The following LINGO2 variants were observed in gnomAD, a reference collection of about 807,000 sequenced individuals.
The protein encoded by LINGO2 is leucine rich repeat and Ig domain containing 2, also known as leucine-rich repeat and immunoglobulin-like domain-containing nogo receptor-interacting protein 2.
LINGO2 carries 14 observed loss-of-function variants against 30.6 expected under a neutral mutation model. The ratio of observed to expected loss-of-function variants is 0.46; its 90% CI spans 0.30 to 0.72. The LOEUF (loss-of-function observed/expected upper bound fraction) is 0.72. LINGO2 is among the 30% of genes least tolerant of loss of function. The pLI, the probability that LINGO2 is intolerant of heterozygous loss-of-function variation, is 0.07. For synonymous variants in LINGO2, 317 were observed against 288.5 expected, an observed-to-expected ratio of 1.10 and a Z score of -1.00; for missense variants, 729 against 751.7, an observed-to-expected ratio of 0.97 and a Z score of 0.35.
chr9:28,246,559 A>G lies in LINGO2; in HGVS notation c.-87+48649T>C, dbSNP rs1822007286. ...AAAACTGGCTAGCCGTATGCAGAAAATTGACACTGGACCCCTTCCTTACAC... is the reference window on the plus strand; with the variant it reads ...AAAACTGGCTAGCCGTATGCAGAAAGTTGACACTGGACCCCTTCCTTACAC... On this transcript the variant is annotated intron_variant, in intron 4 of 5. Transcript: ENST00000379992. Among the ~76,000 whole-genome samples the G allele has an allele frequency of 6.6e-5, 10 of 152,148 alleles. No individual in the cohort carries two copies. The South Asian group carries it at 2.1e-3, about 32-fold the overall frequency.
At chr9:29,072,297 T>C in the LINGO2 span, among the ~76,000 whole-genome samples, 1 of 152,004 alleles carries the variant, frequency 6.6e-6, no homozygotes, top group East Asian at 1.9e-4. Flanking sequence ...GAAGCTAATA[T>C]TAATCGATCA....
At chr9:28,254,474 AAGAT>A (rs1234435184) in intron 4 of LINGO2, among the ~76,000 whole-genome samples, 2 of 152,124 alleles carry the variant, frequency 1.3e-5, no homozygotes, top group Admixed American at 1.3e-4. Flanking sequence ...TCCTAGATGA[AAGAT>A]AGACACATAT....
the LINGO2 span, among the ~76,000 whole-genome samples, chr9:29,046,432 C>T: frequency 6.6e-6 from 1 of 151,980 alleles, no homozygotes; most frequent in Admixed American, 6.6e-5. Context: ...ATTGAGAGCC[C>T]AGAAATAAGG....
intron 4 of LINGO2, among the ~76,000 whole-genome samples, chr9:28,047,526 C>A (rs1269240446): frequency 1.3e-5 from 2 of 150,804 alleles, no homozygotes; most frequent in East Asian, 3.9e-4. Context: ...AAGAGCATGG[C>A]CTTCAAAGAC....
At chr9:28,951,129 CA>C in the LINGO2 span, among the ~76,000 whole-genome samples, 1 of 152,098 alleles carries the variant, frequency 6.6e-6, no homozygotes, top group Non-Finnish European at 1.5e-5. Context: ...CTGACAAAAA[CA>C]AGCAATGGAG....
chr9:28,722,805 T>G, the LINGO2 span, among the ~76,000 whole-genome samples: 1 of 152,278 alleles, frequency 6.6e-6, no homozygotes, highest in African/African-American at 2.4e-5. Flanking sequence ...CCAATAGGAC[T>G]TTGCTGTTTG....
At chr9:28,037,149 G>A (rs1426950622) in intron 4 of LINGO2, among the ~76,000 whole-genome samples, 1 of 152,164 alleles carries the variant, frequency 6.6e-6, no homozygotes, top group Admixed American at 6.5e-5. Flanking sequence ...AGTATGGGTG[G>A]AATAAAATAA....
chr9:28,055,613 CAT>C (rs1465093411), intron 4 of LINGO2, among the ~76,000 whole-genome samples: 3 of 152,122 alleles, frequency 2.0e-5, no homozygotes, highest in Non-Finnish European at 2.9e-5. Context: ...TTCTCTCTAT[CAT>C]AGGCTTACAT....
chr9:28,064,611 C>T (rs549128360), intron 4 of LINGO2, among the ~76,000 whole-genome samples: 7 of 152,052 alleles, frequency 4.6e-5, no homozygotes, highest in Non-Finnish European at 7.4e-5. Context: ...TTAATTAACC[C>T]CTGGAGAGCT....
chr9:28,261,261 AT>A (rs1267133904), intron 4 of LINGO2, among the ~76,000 whole-genome samples: 4 of 152,012 alleles, frequency 2.6e-5, no homozygotes, highest in Non-Finnish European at 4.4e-5. Flanking sequence ...GAATTAAAAA[AT>A]ATCTAAATTA....
intron 4 of LINGO2, among the ~76,000 whole-genome samples, chr9:28,189,236 AAAGGAAGGGAGGAAGGGAGG>A (rs1322725546): frequency 1.7e-5 from 2 of 115,222 alleles, no homozygotes. Flanking sequence ...AGGAAGGAAA[AAAGGAAGGGAGGAAGGGAGG>A]AAGGAAGGGA....
chr9:29,003,085 CA>C, the LINGO2 span, among the ~76,000 whole-genome samples: 1 of 151,916 alleles, frequency 6.6e-6, no homozygotes. Flanking sequence ...CACCTCAAAA[CA>C]AGGAATGTCC....
chr9:29,025,094 C>T, the LINGO2 span, among the ~76,000 whole-genome samples: 1 of 151,756 alleles, frequency 6.6e-6, no homozygotes, highest in South Asian at 2.1e-4. Flanking sequence ...ATGTTCCTTT[C>T]ACAGATTGCA....
intron 4 of LINGO2, among the ~76,000 whole-genome samples, chr9:28,040,424 G>GTTTTT (rs762768949): frequency 8.0e-6 from 1 of 124,320 alleles, no homozygotes; most frequent in Non-Finnish European, 1.7e-5. Flanking sequence ...ACAGCTTGAA[G>GTTTTT]TTTTTTTTTT....
chr9:28,679,381 T>A, the LINGO2 span, among the ~76,000 whole-genome samples: 18 of 152,172 alleles, frequency 1.2e-4, no homozygotes, highest in Non-Finnish European at 2.2e-4. Context: ...TTAGCATTGC[T>A]GTTTTGTAGA....
At chr9:27,969,238 T>G (rs1167560674) in intron 5 of LINGO2, among the ~76,000 whole-genome samples, 2 of 152,042 alleles carry the variant, frequency 1.3e-5, no homozygotes, top group African/African-American at 2.4e-5. Flanking sequence ...ATTTCAGGCT[T>G]TAACTTAGCC....
At chr9:28,429,859 G>A (rs1244013554) in intron 2 of LINGO2, among the ~76,000 whole-genome samples, 1 of 152,184 alleles carries the variant, frequency 6.6e-6, no homozygotes, top group Non-Finnish European at 1.5e-5. Flanking sequence ...AGGGATGTAA[G>A]AAACTGAAGA....
At chr9:27,938,237 C>A in the LINGO2 span, 1 of 152,144 alleles carries the variant, frequency 6.6e-6, no homozygotes, top group East Asian at 1.9e-4. Flanking sequence ...CTAAGCCAAT[C>A]GATGGCCAAC....
the LINGO2 span, among the ~76,000 whole-genome samples, chr9:29,123,492 T>C: frequency 6.6e-6 from 1 of 152,110 alleles, no homozygotes; most frequent in South Asian, 2.1e-4. Context: ...TTTAATAAGC[T>C]TTTAAATAAA....
Sources: gnomAD v4.1 joint callset for allele counts (sites outside exome capture counted in the v4.1 genomes callset) on GRCh38, gnomAD v4.1.1 for gene constraint, MANE v1.5 for transcripts, NCBI Gene and HGNC (gene_info 2026-07-23, HGNC 2026-07-21) for gene names.